The following WASHC3 variants were observed in gnomAD, a reference collection of about 807,000 sequenced individuals.
WASHC3 encodes the protein WASH complex subunit 3.
A neutral mutation model predicts 26.1 loss-of-function variants in WASHC3; 24 were observed. The ratio of observed to expected loss-of-function variants is 0.92; its 90% CI spans 0.66 to 1.29. The LOEUF (loss-of-function observed/expected upper bound fraction) is 1.29. Ranked by LOEUF, WASHC3 falls within the 50% of genes most tolerant of loss-of-function variation. The pLI is 0.00. For missense variants in WASHC3, 214 were observed against 229.6 expected, an observed-to-expected ratio of 0.93 and a Z score of 0.44; for synonymous variants, 77 against 75.7, an observed-to-expected ratio of 1.02 and a Z score of -0.09.
intron 6 of WASHC3, among the ~76,000 whole-genome samples, chr12:102,019,816 TA>T (rs1332910451): frequency 6.6e-6 from 1 of 152,192 alleles, no homozygotes; most frequent in Non-Finnish European, 1.5e-5. Flanking sequence ...TGACCTCAAC[TA>T]AAAATGAGCC....
rs151151284 is a variant in WASHC3, at chr12:102,039,127, G to GTTTT, written c.435+740_435+741insAAAA. Among the ~76,000 whole-genome samples the GTTTT allele has an allele frequency of 4.8e-4, 40 of 84,206 alleles. 3 individuals carry two copies. The highest frequency in any genetic ancestry group is 7.2e-4 in the East Asian group (2 of 2,790). The allele number at this position is 84,206 out of a possible 152,430, so 55.2% of individuals were successfully genotyped here. On this transcript the variant is annotated intron_variant, in intron 5 of 6. Transcript: ENST00000240079. The stretch of plus-strand genomic sequence containing the variant: ...AGGTGCATGCCATCATATGGAGTTA[G>GTTTT]GTTTTTTTTTTTTTTTTTTTTTTTA...
intron 2 of WASHC3, among the ~76,000 whole-genome samples, chr12:102,058,040 A>C (rs1878662613): frequency 2.0e-5 from 3 of 152,222 alleles, no homozygotes; most frequent in Non-Finnish European, 4.4e-5. Context: ...CAAAACAGCC[A>C]TAGACCAAGG....
At chr12:102,036,469 T>C (rs762200968) in intron 5 of WASHC3, among the ~76,000 whole-genome samples, 103 of 151,050 alleles carry the variant, frequency 6.8e-4, no homozygotes, top group Non-Finnish European at 9.6e-4. Flanking sequence ...CTAAAAACAA[T>C]AAAATTAAAT....
intron 4 of WASHC3, among the ~76,000 whole-genome samples, chr12:102,042,528 C>T (rs553157912): frequency 1.3e-5 from 2 of 152,266 alleles, no homozygotes; most frequent in South Asian, 4.1e-4. Flanking sequence ...CTAGCTCTTA[C>T]GTTACTTTTC....
intron 2 of WASHC3, chr12:102,048,146 T>C (rs138462376): frequency 1.3e-5 from 2 of 152,328 alleles, no homozygotes; most frequent in African/African-American, 4.8e-5. Flanking sequence ...CCTTTTGCTC[T>C]TCTGATTCTG....
At chr12:102,040,031 C>T (rs1286835562) in intron 4 of WASHC3, 53 bp from the exon 5 acceptor site, 3 of 782,936 alleles carry the variant, frequency 3.8e-6, no homozygotes, top group Non-Finnish European at 6.3e-6. Flanking sequence ...AGGGGTCTAT[C>T]ATGTTACTTA....
intron 2 of WASHC3, among the ~76,000 whole-genome samples, chr12:102,060,498 G>T (rs368636422): frequency 2.0e-5 from 3 of 152,228 alleles, no homozygotes; most frequent in African/African-American, 7.2e-5. Flanking sequence ...GTCATTTGCA[G>T]AAAATATTTT....
chr12:102,060,212 A>G (rs1034289737), intron 2 of WASHC3, among the ~76,000 whole-genome samples: 12 of 152,204 alleles, frequency 7.9e-5, no homozygotes, highest in African/African-American at 2.4e-4. Context: ...CTTAAATGCA[A>G]TTTCAACCCA....
chr12:102,034,219 G>A (rs1877556093), intron 5 of WASHC3, among the ~76,000 whole-genome samples: 1 of 152,060 alleles, frequency 6.6e-6, no homozygotes, highest in South Asian at 2.1e-4. Context: ...TTTTCAGAGT[G>A]AACAACTGAT....
In WASHC3 at chr12:102,045,931, A is replaced by T. The variant is rs958979202; in HGVS notation, c.216+123T>A. On this transcript the variant is annotated intron_variant, in intron 3 of 6. Coordinates refer to ENST00000240079, the MANE Select transcript of WASHC3 (RefSeq NM_016053.4). ...CAGTAAAATTAAAAACACAACCAGT[A>T]TCACTTCACAGATACAGAAGTTAAA... The T allele has an allele frequency of 2.0e-5, 12 of 593,662 alleles. No homozygotes were observed. The African/African-American group carries it at 2.3e-4, about 11-fold the overall frequency. 36.8% of individuals were successfully genotyped at this position (593,662 alleles called of 1,614,324 possible).
At chr12:102,016,557 C>T (rs963748036) in intron 6 of WASHC3, among the ~76,000 whole-genome samples, 2 of 152,040 alleles carry the variant, frequency 1.3e-5, no homozygotes, top group Non-Finnish European at 2.9e-5. Flanking sequence ...AAAAAGTTAA[C>T]GTTAAACAGC....
intron 1 of WASHC3, among the ~76,000 whole-genome samples, chr12:102,061,551 A>G (rs1479076795): frequency 6.6e-6 from 1 of 152,226 alleles, no homozygotes; most frequent in African/African-American, 2.4e-5. Flanking sequence ...AACAGGCTCT[A>G]GACTCACTGG....
chr12:102,013,550 G>T (rs1046301110), intron 6 of WASHC3, among the ~76,000 whole-genome samples: 1 of 152,158 alleles, frequency 6.6e-6, no homozygotes, highest in Non-Finnish European at 1.5e-5. Flanking sequence ...TGTACATGAG[G>T]TACAGAGAAA....
Position 102,036,597 on chromosome 12 carries a change from A to T in WASHC3, c.435+3271T>A, listed in dbSNP as rs79841562. ...ATATGACCTCCAACTTTAATGACTAAGAGGCATATATGAACCAATTACATA... is the reference window on the plus strand; with the variant it reads ...ATATGACCTCCAACTTTAATGACTATGAGGCATATATGAACCAATTACATA... On this transcript the variant is annotated intron_variant, in intron 5 of 6. Coordinates refer to ENST00000240079, the MANE Select transcript of WASHC3 (RefSeq NM_016053.4). Among the ~76,000 whole-genome samples, 5 of 152,314 alleles carry T rather than the reference A, an allele frequency of 3.3e-5. No homozygotes were observed. The East Asian group carries it at 9.6e-4, about 29-fold the overall frequency.
chr12:102,029,235 A>G (rs1877330553), intron 5 of WASHC3, among the ~76,000 whole-genome samples: 1 of 152,244 alleles, frequency 6.6e-6, no homozygotes, highest in Non-Finnish European at 1.5e-5. Context: ...CTGATCGCCA[A>G]CAGACAAAGC....
At chr12:102,053,589 T>C (rs1195672469) in intron 2 of WASHC3, among the ~76,000 whole-genome samples, 1 of 152,108 alleles carries the variant, frequency 6.6e-6, no homozygotes, top group Non-Finnish European at 1.5e-5. Flanking sequence ...AAGAAACAAA[T>C]CACCAGTAAC....
intron 5 of WASHC3, among the ~76,000 whole-genome samples, chr12:102,029,726 A>C (rs1877351866): frequency 6.6e-6 from 1 of 151,738 alleles, no homozygotes; most frequent in African/African-American, 2.4e-5. Context: ...CTCTTAATTT[A>C]AGAGTGTGAA....
At chr12:102,013,317 C>T in intron 6 of WASHC3, 125 bp from the exon 7 acceptor site, 1 of 613,718 alleles carries the variant, frequency 1.6e-6, no homozygotes, top group South Asian at 1.9e-5. Context: ...TGTCCTCAGT[C>T]TCCTGCTCTA....
intron 5 of WASHC3, among the ~76,000 whole-genome samples, chr12:102,033,351 T>A (rs571804273): frequency 2.0e-5 from 3 of 152,242 alleles, no homozygotes; most frequent in South Asian, 4.1e-4. Context: ...AAAAACACAA[T>A]TCTATCCTAT....
Sources: allele counts gnomAD v4.1 joint callset (sites outside exome capture counted in the v4.1 genomes callset), GRCh38; gene constraint gnomAD v4.1.1; transcripts MANE v1.5; gene names NCBI Gene and HGNC (gene_info 2026-07-23, HGNC 2026-07-21).